The following SMIM36 variants were observed in gnomAD, a reference collection of about 807,000 sequenced individuals.
SMIM36 encodes the protein small integral membrane protein 36.
chr17:55,472,264 A>G (rs551881990), intron 3 of SMIM36, among the ~76,000 whole-genome samples: 5 of 152,228 alleles, frequency 3.3e-5, no homozygotes, highest in Admixed American at 1.3e-4. Flanking sequence ...CATGTCCCAC[A>G]CCTCCATTAT....
chr17:55,514,892 A>G (rs1243909815), upstream of SMIM36, among the ~76,000 whole-genome samples: 1 of 152,194 alleles, frequency 6.6e-6, no homozygotes, highest in East Asian at 1.9e-4. Flanking sequence ...TGGTATCCCA[A>G]AAGTCTTAGT....
chr17:55,514,377 A>G (rs1048505973), upstream of SMIM36, among the ~76,000 whole-genome samples: 1 of 152,188 alleles, frequency 6.6e-6, no homozygotes, highest in Non-Finnish European at 1.5e-5. Flanking sequence ...TGCACTTACC[A>G]TATGCTAGCA....
At chr17:55,483,364 T>C (rs1259999774) in intron 1 of SMIM36, among the ~76,000 whole-genome samples, 2 of 152,218 alleles carry the variant, frequency 1.3e-5, no homozygotes, top group Non-Finnish European at 2.9e-5. Context: ...ATTTTATGCA[T>C]CAACTTAGCT....
At chr17:55,518,130 G>T in the SMIM36 span, among the ~76,000 whole-genome samples, 4 of 152,200 alleles carry the variant, frequency 2.6e-5, no homozygotes, top group Non-Finnish European at 5.9e-5. Context: ...TAAGATTGAA[G>T]GGCCACCATC....
At chr17:55,451,447 T>C (rs1598444732) in intron 4 of SMIM36, among the ~76,000 whole-genome samples, 2 of 152,214 alleles carry the variant, frequency 1.3e-5, no homozygotes, top group South Asian at 4.1e-4. Flanking sequence ...GGCTGACTTA[T>C]GTTTTATCTT....
chr17:55,518,376 A>G, the SMIM36 span, among the ~76,000 whole-genome samples: 1 of 152,208 alleles, frequency 6.6e-6, no homozygotes, highest in Admixed American at 6.5e-5. Flanking sequence ...TGAATTGGGG[A>G]TTAAGTTACC....
chr17:55,527,479 G>A, the SMIM36 span, among the ~76,000 whole-genome samples: 5 of 151,956 alleles, frequency 3.3e-5, no homozygotes, highest in African/African-American at 9.7e-5. Context: ...CGCTAGGCCT[G>A]TGGGATCCAG....
the SMIM36 span, among the ~76,000 whole-genome samples, chr17:55,519,226 G>C: frequency 6.6e-6 from 1 of 152,210 alleles, no homozygotes. Context: ...TAGGCAGATA[G>C]TTTGGTTAAG....
chr17:55,493,719 A>C (rs1261908555), intron 1 of SMIM36, among the ~76,000 whole-genome samples: 2 of 143,658 alleles, frequency 1.4e-5, no homozygotes, highest in Non-Finnish European at 3.0e-5. Context: ...CTGAGGTGGG[A>C]GGATCCCTTG....
chr17:55,474,143 C>T (rs571933145), intron 3 of SMIM36, among the ~76,000 whole-genome samples: 5 of 152,260 alleles, frequency 3.3e-5, no homozygotes, highest in South Asian at 4.1e-4. Context: ...TTGTTGGAGA[C>T]GTGAGTCTTG....
rs749133592 is a variant in SMIM36, at chr17:55,483,558, C to T, written c.*175-3978G>A. On this transcript the variant is annotated intron_variant, in intron 1 of 4. Coordinates refer to ENST00000636752, the Ensembl canonical transcript of SMIM36. ...CGAGGACTGAGGTCCAGACTGCCTTCGGACTTGAGCTGCAACAGTAACTCT... is the reference window on the plus strand; with the variant it reads ...CGAGGACTGAGGTCCAGACTGCCTTTGGACTTGAGCTGCAACAGTAACTCT... Among the ~76,000 whole-genome samples the T allele has an allele frequency of 6.6e-5, 10 of 152,316 alleles. 1 individual carries two copies. The highest frequency in any genetic ancestry group is 3.4e-3 in the Middle Eastern group (1 of 294).
At chr17:55,513,620 G>A (rs1217316990), upstream of SMIM36, among the ~76,000 whole-genome samples, 3 of 152,146 alleles carry the variant, frequency 2.0e-5, no homozygotes, top group Non-Finnish European at 2.9e-5. Context: ...CTCTAGATTC[G>A]TGACTTCTAT....
chr17:55,524,427 T>C, the SMIM36 span, among the ~76,000 whole-genome samples: 1 of 152,192 alleles, frequency 6.6e-6, no homozygotes, highest in African/African-American at 2.4e-5. Flanking sequence ...ATTCCTTTGG[T>C]TATATACCCA....
chr17:55,462,622 A>C (rs1018039637), intron 4 of SMIM36, among the ~76,000 whole-genome samples: 3 of 152,190 alleles, frequency 2.0e-5, no homozygotes, highest in Non-Finnish European at 4.4e-5. Context: ...AATAAATAAA[A>C]ATAAATAAAT....
chr17:55,494,207 G>A (rs1262122688), intron 1 of SMIM36, among the ~76,000 whole-genome samples: 1 of 152,102 alleles, frequency 6.6e-6, no homozygotes, highest in East Asian at 1.9e-4. Flanking sequence ...GCGGGGAGGT[G>A]AAATAGATGT....
At chr17:55,472,869 A>T (rs1322498175) in intron 3 of SMIM36, among the ~76,000 whole-genome samples, 1 of 69,302 alleles carries the variant, frequency 1.4e-5, no homozygotes, top group Non-Finnish European at 3.3e-5. Flanking sequence ...TCTGTCTTAA[A>T]AAAAAAAAAA....
At chr17:55,489,591 C>G (rs1909666523) in intron 1 of SMIM36, among the ~76,000 whole-genome samples, 1 of 152,178 alleles carries the variant, frequency 6.6e-6, no homozygotes, top group Non-Finnish European at 1.5e-5. Context: ...ACCACATAGA[C>G]CATCACACTC....
At chr17:55,477,484 G>T (rs572501735) in intron 3 of SMIM36, among the ~76,000 whole-genome samples, 1 of 151,966 alleles carries the variant, frequency 6.6e-6, no homozygotes, top group Non-Finnish European at 1.5e-5. Flanking sequence ...TTATAATTAG[G>T]CAGGTCATAT....
chr17:55,473,633 T>C (rs1909378758), intron 3 of SMIM36, among the ~76,000 whole-genome samples: 1 of 152,076 alleles, frequency 6.6e-6, no homozygotes, highest in Non-Finnish European at 1.5e-5. Flanking sequence ...AAAACACGCC[T>C]CACCAAACTC....
Sources: allele counts gnomAD v4.1 joint callset (sites outside exome capture counted in the v4.1 genomes callset), GRCh38; gene constraint gnomAD v4.1.1; transcripts MANE v1.5; gene names NCBI Gene and HGNC (gene_info 2026-07-23, HGNC 2026-07-21).